SNX10: variants seen among roughly 807,000 people sequenced by gnomAD.
The protein encoded by SNX10 is sorting nexin-10.
Under a neutral mutation model 28.5 loss-of-function variants are expected in SNX10, and 25 were observed. That is an observed-to-expected ratio of 0.88 (90% confidence interval 0.64 to 1.22). SNX10 has a LOEUF of 1.22. SNX10 is among the 50% of genes most tolerant of loss of function. The pLI, the probability that SNX10 is intolerant of heterozygous loss-of-function variation, is 0.00. For synonymous variants in SNX10, 62 were observed against 81.4 expected, an observed-to-expected ratio of 0.76 and a Z score of 1.28; for missense variants, 223 against 242.6, an observed-to-expected ratio of 0.92 and a Z score of 0.54.
intron 1 of SNX10, among the ~76,000 whole-genome samples, chr7:26,335,598 G>A (rs35911110): frequency 0.23 from 35,685 of 152,114 alleles, 4,670 homozygotes; most frequent in South Asian, 0.43. Context: ...TTCCCCAGCA[G>A]ATCTGGGAGG....
At chr7:26,332,014 T>C (rs1271332342) in intron 1 of SNX10, among the ~76,000 whole-genome samples, 1 of 152,230 alleles carries the variant, frequency 6.6e-6, no homozygotes, top group African/African-American at 2.4e-5. Flanking sequence ...TGATAGGCAA[T>C]TGGATTGTTT....
At chr7:26,360,044 C>A (rs577387771) in intron 2 of SNX10, among the ~76,000 whole-genome samples, 1 of 152,230 alleles carries the variant, frequency 6.6e-6, no homozygotes, top group East Asian at 1.9e-4. Context: ...TTTAATATCC[C>A]TAACTTCTAT....
At chr7:26,293,497 C>T (rs1288842664) in intron 1 of SNX10, among the ~76,000 whole-genome samples, 8 of 152,140 alleles carry the variant, frequency 5.3e-5, no homozygotes, top group East Asian at 1.9e-4. Flanking sequence ...TGAGCCACTG[C>T]GCTCGGCCTT....
At chr7:26,335,720 C>T (rs914820972) in intron 1 of SNX10, among the ~76,000 whole-genome samples, 1 of 149,480 alleles carries the variant, frequency 6.7e-6, no homozygotes, top group Non-Finnish European at 1.5e-5. Flanking sequence ...AAAATAACCT[C>T]GCAGATGGAA....
intron 1 of SNX10, among the ~76,000 whole-genome samples, chr7:26,324,296 T>G (rs1487900135): frequency 6.6e-6 from 1 of 152,154 alleles, no homozygotes; most frequent in African/African-American, 2.4e-5. Flanking sequence ...AGTAAAATTG[T>G]GATAATGATT....
At chr7:26,338,181 G>A (rs764899924) in intron 1 of SNX10, among the ~76,000 whole-genome samples, 1 of 147,060 alleles carries the variant, frequency 6.8e-6, no homozygotes, top group Non-Finnish European at 1.5e-5. Context: ...CAGTGGCATG[G>A]TCTTGGCTCA....
At chr7:26,362,758 A>G (rs1277203471) in intron 3 of SNX10, among the ~76,000 whole-genome samples, 1 of 152,190 alleles carries the variant, frequency 6.6e-6, no homozygotes, top group Non-Finnish European at 1.5e-5. Flanking sequence ...ATTAACCTCA[A>G]GGGAGATGAT....
At chr7:26,316,764 ACACTGGG>A (rs1283240863) in intron 1 of SNX10, among the ~76,000 whole-genome samples, 3 of 152,192 alleles carry the variant, frequency 2.0e-5, no homozygotes, top group Non-Finnish European at 4.4e-5. Context: ...GGGAGGATGA[ACACTGGG>A]CAGCCCATGC....
chr7:26,305,474 C>T (rs1233228243), intron 1 of SNX10, among the ~76,000 whole-genome samples: 2 of 152,144 alleles, frequency 1.3e-5, no homozygotes, highest in Admixed American at 6.5e-5. Context: ...AGAAGATGTG[C>T]TCTTCCTGCT....
At chr7:26,299,085 A>G (rs929840255) in intron 1 of SNX10, among the ~76,000 whole-genome samples, 5 of 152,154 alleles carry the variant, frequency 3.3e-5, no homozygotes, top group African/African-American at 7.2e-5. Context: ...GAGAAATACA[A>G]TCTTATTTTT....
At chr7:26,319,790 G>C (rs929746005) in intron 1 of SNX10, among the ~76,000 whole-genome samples, 6 of 152,054 alleles carry the variant, frequency 3.9e-5, no homozygotes, top group East Asian at 1.9e-4. Flanking sequence ...TAGCTAAGGC[G>C]GGGGGGAAAT....
chr7:26,344,089 C>T (rs1391439377), intron 1 of SNX10, among the ~76,000 whole-genome samples: 2 of 151,990 alleles, frequency 1.3e-5, no homozygotes, highest in African/African-American at 2.4e-5. Context: ...TCATCTTGCA[C>T]AACTGAAACT....
rs529499872 is a variant in SNX10 at position 26,337,212 on chromosome 7, CCTT to C, written c.-23-9204_-23-9202del. The stretch of plus-strand genomic sequence containing the variant: ...ATGAAACATTTAAGTAGATTATTGA[CCTT>C]CTTTCAAAAACTTTATTTTTAATTG... On this transcript the variant is annotated intron_variant, in intron 1 of 6. Transcript: ENST00000338523. Among the ~76,000 whole-genome samples, 86 of 150,046 alleles carry C rather than the reference CCTT, an allele frequency of 5.7e-4. 1 individual carries two copies. The highest frequency in any genetic ancestry group is 5.2e-3 in the South Asian group (22 of 4,194).
chr7:26,347,271 A>G (rs1788426924), intron 2 of SNX10, among the ~76,000 whole-genome samples: 1 of 152,216 alleles, frequency 6.6e-6, no homozygotes, highest in Non-Finnish European at 1.5e-5. Flanking sequence ...TTTCAGCCCT[A>G]TCTTTGGCTT....
intron 2 of SNX10, among the ~76,000 whole-genome samples, chr7:26,349,461 T>TG (rs1788513286): frequency 6.6e-6 from 1 of 152,120 alleles, no homozygotes; most frequent in Admixed American, 6.5e-5. Flanking sequence ...GAATCTCCCT[T>TG]GTTAGTTAAG....
At chr7:26,322,754 G>C (rs572506113) in intron 1 of SNX10, among the ~76,000 whole-genome samples, 1 of 152,158 alleles carries the variant, frequency 6.6e-6, no homozygotes, top group African/African-American at 2.4e-5. Flanking sequence ...ATAAAGATCT[G>C]TTCTCTTAGT....
At chr7:26,306,563 C>A (rs1049673568) in intron 1 of SNX10, among the ~76,000 whole-genome samples, 2 of 151,922 alleles carry the variant, frequency 1.3e-5, no homozygotes, top group Non-Finnish European at 2.9e-5. Context: ...CACCACCATG[C>A]CTGGCTAATG....
chr7:26,349,711 A>C (rs1222872427), intron 2 of SNX10, among the ~76,000 whole-genome samples: 1 of 152,230 alleles, frequency 6.6e-6, no homozygotes, highest in African/African-American at 2.4e-5. Context: ...CAGACTCCAA[A>C]TGGAAAGGCA....
rs371120647 is a variant in SNX10 at position 26,310,460 on chromosome 7, A to G, written c.-24+18374A>G. Reference sequence around the variant, plus strand: ...ATTAATAGATAAATAATAAATTAATATAGACTGCGACAAAGTCCGAGGAGA... The same window carrying G: ...ATTAATAGATAAATAATAAATTAATGTAGACTGCGACAAAGTCCGAGGAGA... On this transcript the variant is annotated intron_variant, in intron 1 of 6. Coordinates refer to ENST00000338523, the MANE Select transcript of SNX10 (RefSeq NM_013322.3). Among the ~76,000 whole-genome samples, 237 of 152,326 alleles carry G rather than the reference A, an allele frequency of 1.6e-3. 2 individuals are homozygous for G. The highest frequency in any genetic ancestry group is 5.5e-3 in the African/African-American group (229 of 41,568).
Sources: allele counts gnomAD v4.1 joint callset (sites outside exome capture counted in the v4.1 genomes callset), GRCh38; gene constraint gnomAD v4.1.1; transcripts MANE v1.5; gene names NCBI Gene and HGNC (gene_info 2026-07-23, HGNC 2026-07-21).